Variants in PTPRM observed in about 807,000 individuals in gnomAD.
PTPRM encodes the protein receptor-type tyrosine-protein phosphatase mu.
In PTPRM, 47 loss-of-function variants were observed where a neutral mutation model predicts 186.7. That is an observed-to-expected ratio of 0.25 (90% CI 0.20 to 0.32). PTPRM has a LOEUF of 0.32. Among genes scored for constraint, PTPRM ranks in the 10% least tolerant of loss-of-function variants. The probability of loss-of-function intolerance (pLI) is 1.00; values close to 1 mark genes in which losing one functional copy is unlikely to be tolerated. For missense variants in PTPRM, 1,494 were observed against 1,865.0 expected (o/e 0.80, Z 3.66); for synonymous variants, 668 against 674.9 (o/e 0.99, Z 0.16).
At chr18:8,171,192 T>G (rs1436114441) in intron 14 of PTPRM, among the ~76,000 whole-genome samples, 1 of 152,180 alleles carries the variant, frequency 6.6e-6, no homozygotes, top group Non-Finnish European at 1.5e-5. Flanking sequence ...CTAGAGAACT[T>G]TTTTTAAAAA....
chr18:7,582,011 A>G (rs2036859129), intron 1 of PTPRM, among the ~76,000 whole-genome samples: 1 of 152,186 alleles, frequency 6.6e-6, no homozygotes, highest in Admixed American at 6.5e-5. Flanking sequence ...CAAATTTTAC[A>G]TAGGTAGAAA....
intron 2 of PTPRM, among the ~76,000 whole-genome samples, chr18:7,843,832 G>A (rs1336119464): frequency 2.0e-5 from 3 of 152,184 alleles, no homozygotes; most frequent in Non-Finnish European, 4.4e-5. Flanking sequence ...CATGTGTGGG[G>A]CTTCAGCTAG....
At chr18:7,914,805 G>C (rs1039921449) in intron 4 of PTPRM, among the ~76,000 whole-genome samples, 1 of 152,108 alleles carries the variant, frequency 6.6e-6, no homozygotes, top group African/African-American at 2.4e-5. Context: ...GTACCAGGCT[G>C]TTCTTTTTGG....
intron 7 of PTPRM, among the ~76,000 whole-genome samples, chr18:8,069,147 AT>A (rs1264739549): frequency 4.9e-5 from 7 of 142,204 alleles, no homozygotes; most frequent in African/African-American, 1.8e-4. Flanking sequence ...AGATTGGTTT[AT>A]TTTATCAGAG....
chr18:7,955,201 A>G lies in PTPRM; in HGVS notation c.919A>G (p.Ile307Val), dbSNP rs1470710577. The change falls in exon 7 of 33, where the codon ATC (isoleucine) becomes GTC (valine). Residue 307 changes from isoleucine to valine, a missense_variant. This residue lies in a region of PTPRM where 91 missense variants were observed against 169.3 expected (regional missense o/e 0.54). Coordinates refer to ENST00000580170, the MANE Select transcript of PTPRM (RefSeq NM_001105244.2). Reference protein sequence around the residue: ...YLWIQLNANSINGDGPIVARE... With the variant: ...YLWIQLNANSVNGDGPIVARE... ...GTGGATACAGCTCAACGCCAACTCC[A>G]TCAATGGGGATGGGCCCATTGTGGC... The G allele has an allele frequency of 6.2e-7, 1 of 1,614,168 alleles. No individual in the cohort carries two copies. The highest frequency in any genetic ancestry group is 8.5e-7 in the Non-Finnish European group (1 of 1,180,034).
intron 1 of PTPRM, among the ~76,000 whole-genome samples, chr18:7,648,612 T>C (rs2038621939): frequency 1.3e-5 from 2 of 152,272 alleles, no homozygotes; most frequent in South Asian, 4.1e-4. Context: ...GTTTGAGTGG[T>C]CTGAATAGAA....
chr18:7,988,253 T>C (rs1175183997), intron 7 of PTPRM, among the ~76,000 whole-genome samples: 2 of 151,826 alleles, frequency 1.3e-5, no homozygotes, highest in Non-Finnish European at 2.9e-5. Flanking sequence ...AAAAAGAAAA[T>C]GCAAATGATT....
chr18:7,777,723 G>GA (rs2042659158), intron 2 of PTPRM, among the ~76,000 whole-genome samples: 1 of 152,096 alleles, frequency 6.6e-6, no homozygotes, highest in Non-Finnish European at 1.5e-5. Context: ...GTAAGAAAAA[G>GA]AAAAAACATG....
chr18:8,019,483 C>T (rs1302380588), intron 7 of PTPRM, among the ~76,000 whole-genome samples: 4 of 152,074 alleles, frequency 2.6e-5, no homozygotes, highest in Non-Finnish European at 5.9e-5. Context: ...CTGATTTGGT[C>T]ATTATTTCTT....
intron 4 of PTPRM, among the ~76,000 whole-genome samples, chr18:7,908,617 A>C (rs2050115063): frequency 6.6e-6 from 1 of 152,198 alleles, no homozygotes; most frequent in South Asian, 2.1e-4. Flanking sequence ...AAGTTAACAT[A>C]AAGCAATCAT....
At chr18:8,337,304 A>G (rs1466072340) in intron 22 of PTPRM, among the ~76,000 whole-genome samples, 1 of 152,162 alleles carries the variant, frequency 6.6e-6, no homozygotes, top group Non-Finnish European at 1.5e-5. Context: ...AGCTGGAATT[A>G]CATCAGTTGA....
chr18:8,258,523 C>G (rs1188280630), intron 19 of PTPRM, among the ~76,000 whole-genome samples: 2 of 152,058 alleles, frequency 1.3e-5, no homozygotes, highest in Non-Finnish European at 2.9e-5. Context: ...GTGAGTTCCT[C>G]CCCTTTTGCA....
At chr18:8,023,640 G>A (rs2085363764) in intron 7 of PTPRM, among the ~76,000 whole-genome samples, 1 of 152,082 alleles carries the variant, frequency 6.6e-6, no homozygotes, top group Non-Finnish European at 1.5e-5. Context: ...TAATGTGAGA[G>A]GAGTCTTAAA....
intron 1 of PTPRM, among the ~76,000 whole-genome samples, chr18:7,616,226 T>C (rs1481314165): frequency 6.6e-6 from 1 of 152,168 alleles, no homozygotes; most frequent in Non-Finnish European, 1.5e-5. Context: ...GTGCCATCAC[T>C]GCTCACTGCG....
At chr18:7,571,036 T>A (rs2036553824) in intron 1 of PTPRM, among the ~76,000 whole-genome samples, 2 of 151,764 alleles carry the variant, frequency 1.3e-5, no homozygotes, top group South Asian at 4.2e-4. Flanking sequence ...CCTCCCGGGT[T>A]CGAGCGATTC....
chr18:8,279,239 C>G (rs1601605222), intron 19 of PTPRM, among the ~76,000 whole-genome samples: 1 of 152,240 alleles, frequency 6.6e-6, no homozygotes, highest in African/African-American at 2.4e-5. Context: ...TGACCTCTAT[C>G]AAGGTCATCT....
chr18:7,853,030 C>A lies in PTPRM; in HGVS notation c.197-35076C>A, dbSNP rs2046940991. ...AGAGGTTCAATATAAACGGAAAATA[C>A]CACCCTTTTAAATGTTTTCTACCTT... On this transcript the variant is annotated intron_variant, in intron 2 of 32. Coordinates refer to ENST00000580170, the MANE Select transcript of PTPRM (RefSeq NM_001105244.2). 1.3e-5 allele frequency among the ~76,000 whole-genome samples: 2 copies of A among 152,064 alleles called. 1 individual carries two copies. Among genetic ancestry groups the A allele is most frequent in the African/African-American group, 4.8e-5 (2 of 41,388 alleles).
chr18:7,888,715 A>G (rs1342407502), intron 3 of PTPRM, among the ~76,000 whole-genome samples: 1 of 152,194 alleles, frequency 6.6e-6, no homozygotes, highest in South Asian at 2.1e-4. Flanking sequence ...TAGCAAAGAC[A>G]TGGAATCCAC....
chr18:8,362,149 A>T (rs965639), intron 23 of PTPRM, among the ~76,000 whole-genome samples: 102,759 of 151,926 alleles, frequency 0.68, 35,277 homozygotes, highest in Non-Finnish European at 0.72. Context: ...TGGGGTTGCC[A>T]GACACCTAGT....
Sources: gnomAD v4.1 joint callset for allele counts (sites outside exome capture counted in the v4.1 genomes callset) on GRCh38, gnomAD v4.1.1 for gene constraint, gnomAD v4.1.1 regional missense constraint, MANE v1.5 for transcripts, NCBI Gene and HGNC (gene_info 2026-07-23, HGNC 2026-07-21) for gene names.